The following HEXD variants were observed in gnomAD, a reference collection of about 807,000 sequenced individuals.
HEXD encodes N-acetyl-beta-galactosaminidase.
HEXD carries 47 observed loss-of-function variants against 54.2 expected under a neutral mutation model. The ratio of observed to expected loss-of-function variants is 0.87; its 90% CI spans 0.69 to 1.11. The LOEUF is 1.11. HEXD is among the 50% of genes least tolerant of loss of function. The pLI is 0.00. For synonymous variants in HEXD, 293 were observed against 287.6 expected (o/e 1.02, Z -0.19); for missense variants, 576 against 649.2 (o/e 0.89, Z 1.23).
At chr17:82,426,682 C>T (rs939611331) in intron 3 of HEXD, 1 of 152,208 alleles carries the variant, frequency 6.6e-6, no homozygotes, top group South Asian at 2.1e-4. Flanking sequence ...AACTGGTAAG[C>T]CTTTTTTAAA....
chr17:82,421,291 T>A (rs1349315027), intron 2 of HEXD, among the ~76,000 whole-genome samples: 1 of 151,914 alleles, frequency 6.6e-6, no homozygotes, highest in Non-Finnish European at 1.5e-5. Context: ...GTAACAAAAC[T>A]TCCTTCCAGA....
chr17:82,436,648 A>C lies in HEXD; in HGVS notation c.632-19A>C. On this transcript the variant is annotated intron_variant, in intron 6 of 12. Coordinates refer to ENST00000327949, the MANE Select transcript of HEXD (RefSeq NM_001330542.2). Reference sequence around the variant, plus strand: ...GTGGTCCAGGTGTCTCACCAACCTCACGTCCGCTCTGTCTGCAGCGTCCGG... The same window carrying C: ...GTGGTCCAGGTGTCTCACCAACCTCCCGTCCGCTCTGTCTGCAGCGTCCGG... The C allele has an allele frequency of 6.2e-7, 1 of 1,600,990 alleles. No individual in the cohort carries two copies. The highest frequency in any genetic ancestry group is 8.5e-7 in the Non-Finnish European group (1 of 1,175,760).
At chr17:82,424,064 G>C (rs1439868657) in intron 2 of HEXD, among the ~76,000 whole-genome samples, 1 of 151,854 alleles carries the variant, frequency 6.6e-6, no homozygotes, top group East Asian at 1.9e-4. Flanking sequence ...CAGCCTGGCT[G>C]CCTTGCTGGG....
chr17:82,421,488 G>A (rs1321515867), intron 2 of HEXD, among the ~76,000 whole-genome samples: 2 of 152,204 alleles, frequency 1.3e-5, no homozygotes, highest in African/African-American at 2.4e-5. Context: ...AGGGGGCCTT[G>A]AGGCTGGCCT....
chr17:82,419,909 G>A (rs1327550354), intron 2 of HEXD, 26 bp downstream of exon 2: 1 of 1,474,920 alleles, frequency 6.8e-7, no homozygotes, highest in South Asian at 1.2e-5. Context: ...TACCTCTAGA[G>A]CATTACTTTT....
At chr17:82,440,623 G>A (rs989498872) in intron 9 of HEXD, 6 of 325,060 alleles carry the variant, frequency 1.8e-5, no homozygotes, top group Admixed American at 1.0e-4. Context: ...GGTTTGTTTC[G>A]GGTGCTCTAG....
At chr17:82,429,919 C>T (rs948614458) in intron 4 of HEXD, among the ~76,000 whole-genome samples, 1 of 152,162 alleles carries the variant, frequency 6.6e-6, no homozygotes, top group African/African-American at 2.4e-5. Flanking sequence ...TACAGACCCT[C>T]ATCCCCAGCT....
At chr17:82,437,704 A>G (rs996057202) in intron 8 of HEXD, among the ~76,000 whole-genome samples, 8 of 152,154 alleles carry the variant, frequency 5.3e-5, no homozygotes, top group Non-Finnish European at 1.0e-4. Context: ...CTCTGTTGCT[A>G]GAAATGCCGT....
At position 82,433,799 on chromosome 17, in the gene HEXD, C is replaced by A; in HGVS notation, c.424C>A (p.Arg142=). 1 of 1,612,760 alleles carries A rather than the reference C, an allele frequency of 6.2e-7. No homozygotes were observed. The highest frequency in any genetic ancestry group is 8.5e-7 in the Non-Finnish European group (1 of 1,179,638). ...CCTGGAGCTACACCCAGGCGCCCAG[C>A]GGCTGCACATCGGGTGTGATGAGGT... ...QVLELHPGAQ[R]LHIGCDEVYY... is the part of the protein sequence containing the mutation. Residue 142 remains arginine, a synonymous_variant, in exon 5 of 13, where the codon CGG becomes AGG. Coordinates refer to ENST00000327949, the MANE Select transcript of HEXD (RefSeq NM_001330542.2).
intron 4 of HEXD, among the ~76,000 whole-genome samples, chr17:82,429,902 C>T (rs935803755): frequency 1.3e-5 from 2 of 152,148 alleles, no homozygotes; most frequent in African/African-American, 4.8e-5. Context: ...CTCCAGACCT[C>T]CTGGGTTACA....
rs545407809 is a variant in HEXD, at chr17:82,424,565, A to G, written c.194+62A>G. The G allele has an allele frequency of 1.5e-5, 18 of 1,196,018 alleles. No homozygotes were observed. In the African/African-American group the frequency reaches 2.4e-4, roughly 16 times the overall value. The allele number at this position is 1,196,018 out of a possible 1,614,324, so 74.1% of individuals were successfully genotyped here. ...GAAAGCGGGGAAGGGGGGGTTCCGC[A>G]GGGCAGGAGGAGCAGCAACCTGGAG... On this transcript the variant is annotated intron_variant, in intron 3 of 12. Coordinates refer to ENST00000327949, the MANE Select transcript of HEXD (RefSeq NM_001330542.2).
chr17:82,433,116 ATATATATATATAT>A lies in HEXD; in HGVS notation c.283-540_283-528del, dbSNP rs2053646107. On this transcript the variant is annotated intron_variant, in intron 4 of 12. Transcript: ENST00000327949. ...AATATATATATATATATATATATAT[ATATATATATATAT>A]TTTTTTTTTTTTTTTATATATATAT... 5.6e-4 allele frequency among the ~76,000 whole-genome samples: 10 copies of A among 17,938 alleles called. 1 individual carries two copies. Among genetic ancestry groups the A allele is most frequent in the African/African-American group, 2.2e-3 (4 of 1,778 alleles). The allele number at this position is 17,938 out of a possible 152,430, so 11.8% of individuals were successfully genotyped here.
At position 82,434,394 on chromosome 17, in the gene HEXD, A is replaced by C. The variant is rs2053699409; in HGVS notation, c.447+572A>C. Among the ~76,000 whole-genome samples, 1 of 152,098 alleles carries C rather than the reference A, an allele frequency of 6.6e-6. No homozygotes were observed. Among genetic ancestry groups the C allele is most frequent in the Non-Finnish European group, 1.5e-5 (1 of 68,002 alleles). ...GGCCTGGGCAGGATGTGGAACTGAA[A>C]GGGGCGGGGTTGGTGCCCACGGGGC... On this transcript the variant is annotated intron_variant, in intron 5 of 12. Transcript: ENST00000327949. The surrounding 1 kb of genome is among the most constrained non-coding windows in gnomAD (Gnocchi z 4.5).
intron 2 of HEXD, among the ~76,000 whole-genome samples, chr17:82,422,037 G>A (rs112027934): frequency 0.017 from 2,597 of 151,894 alleles, 33 homozygotes; most frequent in Admixed American, 0.037. Flanking sequence ...GTGTGGTGGC[G>A]GCGCCTGTAA....
intron 11 of HEXD, 55 bp from the exon 12 acceptor site, chr17:82,441,745 C>T (rs2053982080): frequency 1.5e-5 from 21 of 1,356,210 alleles, no homozygotes; most frequent in East Asian, 4.6e-5. Flanking sequence ...ACTGCAAAGC[C>T]GCCCCACGGC....
intron 4 of HEXD, among the ~76,000 whole-genome samples, chr17:82,431,354 G>A (rs2053571101): frequency 6.6e-6 from 1 of 151,598 alleles, no homozygotes; most frequent in South Asian, 2.1e-4. Flanking sequence ...GAAGAGTGGG[G>A]TCTCACTATG....
intron 2 of HEXD, among the ~76,000 whole-genome samples, chr17:82,422,044 G>A (rs1263388759): frequency 4.0e-5 from 6 of 151,676 alleles, no homozygotes; most frequent in Non-Finnish European, 8.8e-5. Flanking sequence ...GGCGGCGCCT[G>A]TAATCCTGCT....
intron 3 of HEXD, 34 bp from the exon 4 acceptor site, chr17:82,428,524 C>A: frequency 6.3e-7 from 1 of 1,595,602 alleles, no homozygotes; most frequent in Non-Finnish European, 8.6e-7. Flanking sequence ...GTGCTGCTCA[C>A]ATGACCCTCT....
At chr17:82,429,006 T>C (rs577432497) in intron 4 of HEXD, among the ~76,000 whole-genome samples, 1 of 152,222 alleles carries the variant, frequency 6.6e-6, no homozygotes, top group South Asian at 2.1e-4. Context: ...CCAGTAGTAA[T>C]CCCAGCACTT....
Sources: gnomAD v4.1 joint callset for allele counts (sites outside exome capture counted in the v4.1 genomes callset) on GRCh38, gnomAD v4.1.1 for gene constraint, Gnocchi (gnomAD v3.1) non-coding constraint, MANE v1.5 for transcripts, NCBI Gene and HGNC (gene_info 2026-07-23, HGNC 2026-07-21) for gene names.